The following PDE6C variants were observed in gnomAD, a reference collection of about 807,000 sequenced individuals.
The protein encoded by PDE6C is phosphodiesterase 6C.
In PDE6C, 75 loss-of-function variants were observed where a neutral mutation model predicts 113.1. That is an observed-to-expected ratio of 0.66 (90% CI 0.55 to 0.80). The LOEUF (loss-of-function observed/expected upper bound fraction) is 0.80. PDE6C is among the 30% of genes least tolerant of loss of function. The pLI, the probability that PDE6C is intolerant of heterozygous loss-of-function variation, is 0.00. For missense variants in PDE6C, 912 were observed against 1,038.6 expected (o/e 0.88, Z 1.67); for synonymous variants, 375 against 363.7 (o/e 1.03, Z -0.35).
rs1554889269 is a variant in PDE6C, at chr10:93,626,625, C to A, written c.940-15C>A. 5.1e-6 allele frequency: 7 copies of A among 1,367,690 alleles called. No individual in the cohort carries two copies. Among genetic ancestry groups the A allele is most frequent in the Non-Finnish European group, 6.3e-6 (6 of 957,168 alleles). 84.7% of individuals were successfully genotyped at this position (1,367,690 alleles called of 1,614,324 possible). On this transcript the variant is annotated splice_polypyrimidine_tract_variant and intron_variant, in intron 5 of 21. Transcript: ENST00000371447. ...GAAATAACATTATTCCCATAATATC[C>A]TCTTTCTTTCTTAGGAAGTCAACTT...
chr10:93,619,127 A>G (rs1457965551), intron 1 of PDE6C, among the ~76,000 whole-genome samples: 1 of 152,202 alleles, frequency 6.6e-6, no homozygotes, highest in Non-Finnish European at 1.5e-5. Context: ...ATGATAACTA[A>G]TAAGATAATT....
intron 7 of PDE6C, among the ~76,000 whole-genome samples, chr10:93,628,092 G>A (rs558250520): frequency 6.6e-6 from 1 of 152,264 alleles, no homozygotes; most frequent in Admixed American, 6.5e-5. Flanking sequence ...TGGGACCATG[G>A]AAATTGGCAA....
intron 16 of PDE6C, among the ~76,000 whole-genome samples, chr10:93,657,990 G>C (rs949021749): frequency 6.6e-6 from 1 of 151,720 alleles, no homozygotes; most frequent in Non-Finnish European, 1.5e-5. Flanking sequence ...GGGCAACATA[G>C]CAAGACTGTC....
Position 93,665,563 on chromosome 10 carries a change from C to A in PDE6C, c.*145C>A. On this transcript the variant is annotated 3_prime_UTR_variant, in exon 22 of 22. Coordinates refer to ENST00000371447, the MANE Select transcript of PDE6C (RefSeq NM_006204.4). The stretch of plus-strand genomic sequence containing the variant: ...CTATGAAGAAAATATATATTGCTAG[C>A]CCAAAAATCCCAGGGGCAAAATAAA... 4.7e-6 allele frequency: 3 copies of A among 638,184 alleles called. No homozygotes were observed. The highest frequency in any genetic ancestry group is 2.8e-5 in the East Asian group (1 of 35,842). The allele number at this position is 638,184 out of a possible 1,614,324, so 39.5% of individuals were successfully genotyped here. A position where few individuals can be genotyped will look rare whatever the true frequency, so the allele number is the denominator to read the frequency against.
At chr10:93,661,939 G>A (rs1423999445) in intron 18 of PDE6C, 120 bp from the exon 19 acceptor site, 32 of 747,472 alleles carry the variant, frequency 4.3e-5, no homozygotes, top group South Asian at 2.3e-4. Flanking sequence ...AAGAGCATAC[G>A]GTTTGATAGC....
At chr10:93,655,170 T>C (rs545758084) in intron 15 of PDE6C, among the ~76,000 whole-genome samples, 1 of 152,272 alleles carries the variant, frequency 6.6e-6, no homozygotes, top group African/African-American at 2.4e-5. Flanking sequence ...AGAGATGTAG[T>C]GAGAAACTCT....
At chr10:93,664,078 A>G (rs2058678984) in intron 21 of PDE6C, among the ~76,000 whole-genome samples, 1 of 152,174 alleles carries the variant, frequency 6.6e-6, no homozygotes, top group African/African-American at 2.4e-5. Context: ...TGACTCCTTG[A>G]TATCCATTCA....
Position 93,613,153 on chromosome 10 carries a change from T to G in PDE6C, c.428T>G (p.Val143Gly). Reference sequence around the variant, plus strand: ...GTGTTTCCATTGGACATTGGGATAGTGGGTTGGGCTGCTCACACGAAGAAA... The same window carrying G: ...GTGTTTCCATTGGACATTGGGATAGGGGGTTGGGCTGCTCACACGAAGAAA... ...EVVFPLDIGI[V>G]GWAAHTKKTH... The change falls in exon 1 of 22, where the codon GTG becomes GGG. Residue 143 changes from valine (V) to glycine (G), a missense_variant. Coordinates refer to ENST00000371447, the MANE Select transcript of PDE6C (RefSeq NM_006204.4). The G allele has an allele frequency of 6.2e-7, 1 of 1,613,866 alleles. No homozygotes were observed. The highest frequency in any genetic ancestry group is 8.5e-7 in the Non-Finnish European group (1 of 1,180,006).
intron 21 of PDE6C, among the ~76,000 whole-genome samples, chr10:93,664,298 A>G (rs544826017): frequency 6.6e-6 from 1 of 152,360 alleles, no homozygotes; most frequent in Admixed American, 6.5e-5. Context: ...CGCTAACCAC[A>G]GAAAGCAGGC....
chr10:93,625,561 C>G lies in PDE6C; in HGVS notation c.865-14C>G. 1.9e-6 allele frequency: 3 copies of G among 1,589,982 alleles called. No homozygotes were observed. The highest frequency in any genetic ancestry group is 2.6e-6 in the Non-Finnish European group (3 of 1,158,096). On this transcript the variant is annotated splice_polypyrimidine_tract_variant and intron_variant, in intron 4 of 21. Transcript: ENST00000371447. ...ACAGTGTGTTTAATGATACTTAAAT[C>G]TGATTGCCTCCAGGAATTCTACGAT...
At position 93,625,641 on chromosome 10, in the gene PDE6C, G is replaced by A; in HGVS notation, c.931G>A (p.Asp311Asn). 1.2e-6 allele frequency: 2 copies of A among 1,610,702 alleles called. No homozygotes were observed. The highest frequency in any genetic ancestry group is 1.1e-5 in the South Asian group (1 of 91,004). The change falls in exon 5 of 22, where the codon GAT becomes AAT. Residue 311 changes from aspartate (D) to asparagine (N), a missense_variant. Transcript: ENST00000371447. ...VEPYKGPKTP[D>N]GREVNFYKII... ...GCCTTATAAAGGTCCAAAGACACCTGATGGCAGGGTACGTGCAAATGTCTT... is the reference window on the plus strand; with the variant it reads ...GCCTTATAAAGGTCCAAAGACACCTAATGGCAGGGTACGTGCAAATGTCTT...
intron 18 of PDE6C, among the ~76,000 whole-genome samples, chr10:93,661,625 A>G (rs1254667613): frequency 1.3e-5 from 2 of 152,334 alleles, no homozygotes; most frequent in East Asian, 3.9e-4. Flanking sequence ...ATATAAATTA[A>G]TGCTGGAATA....
rs758672180 is a variant in PDE6C, at chr10:93,645,945, T to C, written c.1848-15T>C. On this transcript the variant is annotated splice_polypyrimidine_tract_variant and intron_variant, in intron 14 of 21. Coordinates refer to ENST00000371447, the MANE Select transcript of PDE6C (RefSeq NM_006204.4). ...TTTAAACAGCTAGAATCATGGCATGTTGTTTTCCTTCTAGATCCACGTCTC... is the reference window on the plus strand; with the variant it reads ...TTTAAACAGCTAGAATCATGGCATGCTGTTTTCCTTCTAGATCCACGTCTC... 4 of 1,515,948 alleles carry C rather than the reference T, an allele frequency of 2.6e-6. No homozygotes were observed. In the African/African-American group the frequency reaches 4.1e-5, roughly 16 times the overall value. 93.9% of individuals were successfully genotyped at this position (1,515,948 alleles called of 1,614,324 possible).
At position 93,640,937 on chromosome 10, in the gene PDE6C, G is replaced by T. The variant is rs45522236; in HGVS notation, c.1755G>T (p.Lys585Asn). ...FTLLMTGRLK[K>N]YYTDLEAFAM... Reference sequence around the variant, plus strand: ...TTTTTTAGACAGGAAGATTAAAGAAGTACTACACAGATCTCGAAGCCTTTG... The same window carrying T: ...TTTTTTAGACAGGAAGATTAAAGAATTACTACACAGATCTCGAAGCCTTTG... The change falls in exon 14 of 22, where the codon AAG (lysine) becomes AAT (asparagine). Residue 585 changes from lysine to asparagine, a missense_variant. By Grantham distance (94) the Lys-to-Asn change is moderately conservative (BLOSUM62 0). Coordinates refer to ENST00000371447, the MANE Select transcript of PDE6C (RefSeq NM_006204.4). The T allele has an allele frequency of 5.9e-3, 9,551 of 1,606,732 alleles. 50 individuals are homozygous for T. Among genetic ancestry groups the T allele is most frequent in the Non-Finnish European group, 6.6e-3 (7,690 of 1,173,388 alleles).
chr10:93,662,301 A>G (rs2058669374), intron 19 of PDE6C, among the ~76,000 whole-genome samples, 168 bp downstream of exon 19: 1 of 151,922 alleles, frequency 6.6e-6, no homozygotes, highest in African/African-American at 2.4e-5. Context: ...CGTTTCTACT[A>G]AAAATACAAA....
intron 20 of PDE6C, 39 bp from the exon 21 acceptor site, chr10:93,662,989 G>T (rs1279092114): frequency 6.4e-7 from 1 of 1,559,722 alleles, no homozygotes; most frequent in Non-Finnish European, 8.8e-7. Context: ...AAAATTAACT[G>T]TATGATTTAT....
At chr10:93,621,153 C>A (rs567908403) in intron 3 of PDE6C, among the ~76,000 whole-genome samples, 173 bp downstream of exon 3, 35 of 152,286 alleles carry the variant, frequency 2.3e-4, no homozygotes, top group African/African-American at 7.7e-4. Flanking sequence ...TCTCCCCACA[C>A]ACACTCCCCT....
At chr10:93,641,566 C>T (rs192072780) in intron 14 of PDE6C, among the ~76,000 whole-genome samples, 5 of 152,086 alleles carry the variant, frequency 3.3e-5, no homozygotes, top group East Asian at 3.9e-4. Flanking sequence ...AACACTTGAA[C>T]CCAGGAGGCA....
At chr10:93,623,933 T>A (rs970757037) in intron 4 of PDE6C, among the ~76,000 whole-genome samples, 2 of 152,120 alleles carry the variant, frequency 1.3e-5, no homozygotes, top group African/African-American at 4.8e-5. Flanking sequence ...ACCTACCTGA[T>A]TCTTGGCTTC....
Sources: gnomAD v4.1 joint callset for allele counts (sites outside exome capture counted in the v4.1 genomes callset) on GRCh38, gnomAD v4.1.1 for gene constraint, MANE v1.5 for transcripts, NCBI Gene and HGNC (gene_info 2026-07-23, HGNC 2026-07-21) for gene names.